ALK: variants seen among roughly 807,000 people sequenced by gnomAD.
ALK encodes the protein ALK tyrosine kinase receptor.
A neutral mutation model predicts 163.1 loss-of-function variants in ALK; 74 were observed. That is an observed-to-expected ratio of 0.45 (90% CI 0.38 to 0.55). The LOEUF is 0.55. Among genes scored for constraint, ALK ranks in the 20% least tolerant of loss-of-function variants. The pLI is 0.00. For missense variants in ALK, 2,063 were observed against 2,105.3 expected, an observed-to-expected ratio of 0.98 and a Z score of 0.39; for synonymous variants, 960 against 843.2, an observed-to-expected ratio of 1.14 and a Z score of -2.40.
intron 3 of ALK, among the ~76,000 whole-genome samples, chr2:29,539,611 G>GATATTATAACTTT (rs1673357708): frequency 2.4e-5 from 2 of 84,022 alleles, no homozygotes; most frequent in African/African-American, 3.6e-5. Context: ...CTTGAGCACA[G>GATATTATAACTTT]GGTAGATCAT....
At chr2:29,889,081 A>T (rs1043568431) in intron 1 of ALK, among the ~76,000 whole-genome samples, 1 of 152,200 alleles carries the variant, frequency 6.6e-6, no homozygotes, top group Non-Finnish European at 1.5e-5. Context: ...TTTGAACCAA[A>T]AAGTGACTTT....
chr2:29,647,654 T>G (rs10185769), intron 3 of ALK, among the ~76,000 whole-genome samples: 429 of 152,226 alleles, frequency 2.8e-3, no homozygotes, highest in African/African-American at 9.9e-3. Context: ...TTCCCCTGAT[T>G]AAGCCCGTCC....
intron 1 of ALK, among the ~76,000 whole-genome samples, chr2:29,870,259 AGGC>A (rs1374776373): frequency 2.6e-5 from 4 of 152,220 alleles, no homozygotes; most frequent in Non-Finnish European, 5.9e-5. Context: ...ATAGTTTTGC[AGGC>A]TGTACAGGCT....
At chr2:29,523,747 T>A (rs901125979) in intron 4 of ALK, among the ~76,000 whole-genome samples, 3 of 151,506 alleles carry the variant, frequency 2.0e-5, no homozygotes, top group East Asian at 3.9e-4. Flanking sequence ...TGGTGTTCAA[T>A]CCATCAAACA....
At chr2:29,590,693 AC>A (rs1233585727) in intron 3 of ALK, among the ~76,000 whole-genome samples, 5 of 151,126 alleles carry the variant, frequency 3.3e-5, no homozygotes, top group Non-Finnish European at 2.9e-5. Flanking sequence ...CCATCCTCTT[AC>A]CCCCATCCTG....
intron 1 of ALK, among the ~76,000 whole-genome samples, chr2:29,864,316 C>G (rs952023998): frequency 2.0e-5 from 3 of 152,206 alleles, no homozygotes; most frequent in Non-Finnish European, 4.4e-5. Flanking sequence ...CTTCTCATGT[C>G]TGAAATACTC....
At chr2:29,250,506 A>G (rs1376941657) in intron 12 of ALK, among the ~76,000 whole-genome samples, 2 of 152,132 alleles carry the variant, frequency 1.3e-5, no homozygotes, top group Non-Finnish European at 2.9e-5. Flanking sequence ...GGGTCTTGCA[A>G]TCAGGGTCTC....
At chr2:29,510,957 TG>T (rs1672494221) in intron 4 of ALK, among the ~76,000 whole-genome samples, 1 of 152,202 alleles carries the variant, frequency 6.6e-6, no homozygotes, top group Non-Finnish European at 1.5e-5. Flanking sequence ...AAGTGGGCTC[TG>T]ATCCTTTGCC....
intron 1 of ALK, among the ~76,000 whole-genome samples, chr2:29,831,232 AGAG>A (rs1424936412): frequency 1.2e-5 from 1 of 86,558 alleles, no homozygotes; most frequent in Non-Finnish European, 2.3e-5. Flanking sequence ...AGGAAGAAGA[AGAG>A]GAAGAAGAAG....
chr2:29,865,894 A>G (rs1191275975), intron 1 of ALK, among the ~76,000 whole-genome samples: 1 of 152,174 alleles, frequency 6.6e-6, no homozygotes, highest in East Asian at 1.9e-4. Context: ...ACTTGAAACC[A>G]GGTCTCCAGA....
At chr2:29,213,385 A>G (rs1433285107) in intron 24 of ALK, among the ~76,000 whole-genome samples, 1 of 152,230 alleles carries the variant, frequency 6.6e-6, no homozygotes, top group Non-Finnish European at 1.5e-5. Context: ...AGAAAAAATT[A>G]ATGTATCCAA....
At chr2:29,511,460 A>G (rs1672513757) in intron 4 of ALK, among the ~76,000 whole-genome samples, 1 of 152,204 alleles carries the variant, frequency 6.6e-6, no homozygotes. Flanking sequence ...ATGTTATCAT[A>G]TATATCAGTA....
chr2:29,724,900 A>G (rs1679526149), intron 1 of ALK, among the ~76,000 whole-genome samples: 2 of 152,136 alleles, frequency 1.3e-5, no homozygotes, highest in African/African-American at 4.8e-5. Flanking sequence ...TTAGTAGCTC[A>G]AATATTGAAG....
intron 9 of ALK, among the ~76,000 whole-genome samples, chr2:29,295,735 C>A (rs1210845347): frequency 6.6e-6 from 1 of 152,206 alleles, no homozygotes; most frequent in Non-Finnish European, 1.5e-5. Context: ...CACCCTCCAC[C>A]TTGCCTTGAG....
chr2:29,628,032 G>C (rs1676246795), intron 3 of ALK, among the ~76,000 whole-genome samples: 1 of 152,168 alleles, frequency 6.6e-6, no homozygotes, highest in African/African-American at 2.4e-5. Flanking sequence ...AATTTAAGGA[G>C]TCTTCAGATG....
At chr2:29,785,952 CACACACAT>C (rs1264404698) in intron 1 of ALK, among the ~76,000 whole-genome samples, 1,855 of 82,440 alleles carry the variant, frequency 0.023, 36 homozygotes, top group African/African-American at 0.075. Flanking sequence ...CACACACACA[CACACACAT>C]TACCCTCTCT....
At chr2:29,452,252 C>T (rs553177671) in intron 4 of ALK, among the ~76,000 whole-genome samples, 1 of 152,164 alleles carries the variant, frequency 6.6e-6, no homozygotes, top group East Asian at 1.9e-4. Context: ...ACAGGCCTGG[C>T]TTGTTCTGGC....
chr2:29,554,941 T>TG (rs1573452265), intron 3 of ALK, among the ~76,000 whole-genome samples: 2 of 152,068 alleles, frequency 1.3e-5, no homozygotes, highest in East Asian at 3.9e-4. Context: ...AGTTTACAAA[T>TG]GCCAGGGCAA....
intron 1 of ALK, among the ~76,000 whole-genome samples, chr2:29,733,667 A>C (rs1236947498): frequency 2.6e-5 from 4 of 152,240 alleles, no homozygotes; most frequent in African/African-American, 9.6e-5. Flanking sequence ...TTATTATAGA[A>C]AATAAAATGC....
Sources: allele counts gnomAD v4.1 joint callset (sites outside exome capture counted in the v4.1 genomes callset), GRCh38; gene constraint gnomAD v4.1.1; transcripts MANE v1.5; gene names NCBI Gene and HGNC (gene_info 2026-07-23, HGNC 2026-07-21).